Variants in AGBL1 observed in about 807,000 individuals in gnomAD.
The protein encoded by AGBL1 is AGBL carboxypeptidase 1.
In AGBL1, 130 loss-of-function variants were observed where a neutral mutation model predicts 118.9. The ratio of observed to expected loss-of-function variants is 1.09; its 90% CI spans 0.95 to 1.26. The LOEUF is 1.26. Among genes scored for constraint, AGBL1 ranks in the 50% most tolerant of loss-of-function variants. The probability of loss-of-function intolerance (pLI) is 0.00; values close to 1 mark genes in which losing one functional copy is unlikely to be tolerated. For missense variants in AGBL1, 1,584 were observed against 1,298.1 expected, an observed-to-expected ratio of 1.22 and a Z score of -3.38; for synonymous variants, 555 against 478.9, an observed-to-expected ratio of 1.16 and a Z score of -2.08.
chr15:86,286,725 G>GTT (rs1247799932), intron 16 of AGBL1, among the ~76,000 whole-genome samples: 13 of 77,814 alleles, frequency 1.7e-4, no homozygotes, highest in Non-Finnish European at 3.2e-4. Context: ...GTGTGTGTGT[G>GTT]TTTGTGTGTG....
At chr15:86,182,167 G>C (rs2077561594) in intron 5 of AGBL1, among the ~76,000 whole-genome samples, 1 of 152,080 alleles carries the variant, frequency 6.6e-6, no homozygotes, top group South Asian at 2.1e-4. Context: ...TAACATTTGA[G>C]ACGAGTGGTA....
intron 5 of AGBL1, among the ~76,000 whole-genome samples, chr15:86,163,908 A>G (rs1262423238): frequency 2.0e-5 from 3 of 152,344 alleles, no homozygotes; most frequent in Non-Finnish European, 4.4e-5. Flanking sequence ...CTGCACATGC[A>G]GAGTTCTGCC....
intron 23 of AGBL1, among the ~76,000 whole-genome samples, chr15:86,951,473 A>G (rs2080879988): frequency 6.6e-6 from 1 of 152,240 alleles, no homozygotes. Context: ...TAGTAAAATA[A>G]TTCAAAAAAT....
At chr15:86,633,003 TTGA>T (rs1429304836) in intron 21 of AGBL1, among the ~76,000 whole-genome samples, 93 of 152,322 alleles carry the variant, frequency 6.1e-4, no homozygotes, top group African/African-American at 2.1e-3. Flanking sequence ...CTTTGTAGAC[TTGA>T]TGAACATTGT....
At chr15:86,995,522 T>C (rs8038215) in intron 24 of AGBL1, among the ~76,000 whole-genome samples, 15,001 of 152,198 alleles carry the variant, frequency 0.099, 1,310 homozygotes, top group African/African-American at 0.23. Context: ...GGGGCGAAAG[T>C]CTTTTAGGAG....
At chr15:86,541,923 G>C (rs1321555768) in intron 19 of AGBL1, among the ~76,000 whole-genome samples, 1 of 152,138 alleles carries the variant, frequency 6.6e-6, no homozygotes, top group Admixed American at 6.5e-5. Context: ...AGAATTACAA[G>C]ATTTGATAAT....
chr15:86,277,684 A>G (rs1440741090), intron 15 of AGBL1, among the ~76,000 whole-genome samples: 2 of 152,242 alleles, frequency 1.3e-5, no homozygotes, highest in Non-Finnish European at 2.9e-5. Context: ...AGCAAGGCCC[A>G]TGCCAAATAA....
At chr15:86,700,927 C>T (rs562872843) in intron 22 of AGBL1, among the ~76,000 whole-genome samples, 2 of 152,078 alleles carry the variant, frequency 1.3e-5, no homozygotes, top group African/African-American at 2.4e-5. Context: ...CAGTCAGAGT[C>T]AGCCGGATCA....
chr15:86,444,737 C>G (rs1352926240), intron 18 of AGBL1, among the ~76,000 whole-genome samples: 1 of 152,158 alleles, frequency 6.6e-6, no homozygotes, highest in African/African-American at 2.4e-5. Context: ...CACCTAAAAG[C>G]CAGCCCAGCC....
intron 23 of AGBL1, among the ~76,000 whole-genome samples, chr15:86,944,884 A>G (rs911559141): frequency 1.3e-5 from 2 of 152,202 alleles, no homozygotes; most frequent in Non-Finnish European, 2.9e-5. Context: ...TTTGCAGGGA[A>G]AAGGGTTTTC....
downstream of AGBL1, among the ~76,000 whole-genome samples, chr15:86,920,834 C>G (rs10438424): frequency 0.48 from 72,323 of 152,046 alleles, 19,755 homozygotes; most frequent in Non-Finnish European, 0.63. Flanking sequence ...TAAAAATGTA[C>G]TCTCTTAGAC....
chr15:86,216,082 G>T (rs1025246353), intron 5 of AGBL1, among the ~76,000 whole-genome samples: 7 of 152,058 alleles, frequency 4.6e-5, no homozygotes, highest in African/African-American at 1.7e-4. Context: ...TACAATTGAC[G>T]TTTGTATGTT....
intron 18 of AGBL1, among the ~76,000 whole-genome samples, chr15:86,425,988 G>C (rs953567912): frequency 6.6e-6 from 1 of 152,082 alleles, no homozygotes; most frequent in Non-Finnish European, 1.5e-5. Flanking sequence ...TTCACCAAGA[G>C]AAACAGGAAG....
At chr15:86,677,583 C>T (rs1408957280) in intron 22 of AGBL1, among the ~76,000 whole-genome samples, 2 of 152,142 alleles carry the variant, frequency 1.3e-5, no homozygotes, top group Non-Finnish European at 2.9e-5. Flanking sequence ...GCCTCTTGCT[C>T]TTCTCAGCCG....
chr15:86,222,040 A>T (rs544606025), intron 5 of AGBL1, among the ~76,000 whole-genome samples: 1 of 152,268 alleles, frequency 6.6e-6, no homozygotes, highest in African/African-American at 2.4e-5. Context: ...CAGGTCTCCT[A>T]GTTCCTCAAA....
chr15:86,208,819 T>G (rs1033788888), intron 5 of AGBL1, among the ~76,000 whole-genome samples: 10 of 152,202 alleles, frequency 6.6e-5, no homozygotes, highest in African/African-American at 2.4e-4. Context: ...CTCTATCTCC[T>G]TCGGTTCTGC....
intron 22 of AGBL1, among the ~76,000 whole-genome samples, chr15:86,807,327 G>C (rs773946431): frequency 7.2e-5 from 11 of 152,040 alleles, no homozygotes; most frequent in Non-Finnish European, 1.0e-4. Flanking sequence ...TATTTTTGTG[G>C]GTTCATAATA....
At chr15:86,744,323 A>G (rs1223835344) in intron 22 of AGBL1, among the ~76,000 whole-genome samples, 1 of 152,162 alleles carries the variant, frequency 6.6e-6, no homozygotes, top group African/African-American at 2.4e-5. Flanking sequence ...TCTGCTCAGG[A>G]ATAAATTTGC....
At chr15:86,603,512 C>G (rs1294383232) in intron 21 of AGBL1, among the ~76,000 whole-genome samples, 1 of 152,064 alleles carries the variant, frequency 6.6e-6, no homozygotes, top group African/African-American at 2.4e-5. Flanking sequence ...CCTTAGCCCC[C>G]TATTTTCTAA....
Sources: allele counts gnomAD v4.1 joint callset (sites outside exome capture counted in the v4.1 genomes callset), GRCh38; gene constraint gnomAD v4.1.1; transcripts MANE v1.5; gene names NCBI Gene and HGNC (gene_info 2026-07-23, HGNC 2026-07-21).